The following DLC1 variants were observed in gnomAD, a reference collection of about 807,000 sequenced individuals.
DLC1 encodes the protein rho GTPase-activating protein 7.
A neutral mutation model predicts 140.3 loss-of-function variants in DLC1; 54 were observed. That is an observed-to-expected ratio of 0.38 (90% confidence interval 0.31 to 0.48). The LOEUF (loss-of-function observed/expected upper bound fraction) is 0.48. DLC1 is among the 20% of genes least tolerant of loss of function. The pLI is 0.96. For synonymous variants in DLC1, 986 were observed against 728.1 expected (o/e 1.35, Z -5.70); for missense variants, 2,536 against 1,907.0 (o/e 1.33, Z -6.14).
chr8:13,400,248 C>T (rs1047794677), intron 3 of DLC1, among the ~76,000 whole-genome samples: 1 of 152,122 alleles, frequency 6.6e-6, no homozygotes, highest in Admixed American at 6.6e-5. Flanking sequence ...GGAAGGAGAA[C>T]TGACCATCAC....
At chr8:13,345,663 T>C (rs1048037748) in intron 4 of DLC1, among the ~76,000 whole-genome samples, 3 of 143,126 alleles carry the variant, frequency 2.1e-5, no homozygotes, top group Non-Finnish European at 4.5e-5. Flanking sequence ...CTTCAAGCGG[T>C]CCTCCTGCCT....
intron 4 of DLC1, among the ~76,000 whole-genome samples, chr8:13,310,683 T>C (rs1330486779): frequency 6.6e-6 from 1 of 152,244 alleles, no homozygotes; most frequent in East Asian, 1.9e-4. Flanking sequence ...TCTGCAATAT[T>C]GTTAGCCAGT....
chr8:13,301,787 C>A (rs76222922), intron 5 of DLC1, among the ~76,000 whole-genome samples: 160 of 152,258 alleles, frequency 1.1e-3, no homozygotes, highest in African/African-American at 3.8e-3. Flanking sequence ...AGATCAGCGG[C>A]AGCATTAGAT....
rs1339544319 is a variant in DLC1 at position 13,405,907 on chromosome 8, C to CTTTCT, written c.1024-4293_1024-4289dup. 3.1e-3 allele frequency among the ~76,000 whole-genome samples: 267 copies of CTTTCT among 86,292 alleles called. 3 individuals are homozygous for CTTTCT. The highest frequency in any genetic ancestry group is 0.013 in the Middle Eastern group (2 of 158). The allele number at this position is 86,292 out of a possible 152,430, so 56.6% of individuals were successfully genotyped here. On this transcript the variant is annotated intron_variant, in intron 2 of 17. Transcript: ENST00000276297. ...TTCTTTTCTTTCTTTCTTTTTCTTT[C>CTTTCT]TTTCTTTTCTTTTCTTTCTTTCTTT... is the stretch of plus-strand genomic sequence containing the variant.
intron 2 of DLC1, among the ~76,000 whole-genome samples, chr8:13,420,463 C>T (rs1008186091): frequency 4.6e-5 from 7 of 152,080 alleles, no homozygotes; most frequent in Admixed American, 2.0e-4. Flanking sequence ...CATAGGTATA[C>T]ATGTGCCATG....
chr8:13,147,016 GA>G (rs1823483727), intron 5 of DLC1, among the ~76,000 whole-genome samples: 1 of 152,146 alleles, frequency 6.6e-6, no homozygotes, highest in Admixed American at 6.5e-5. Context: ...AAACCGTGTT[GA>G]AAATGAAATC....
chr8:13,566,871 G>A, intron 1 of DLC1: 1 of 1,296,594 alleles, frequency 7.7e-7, no homozygotes, highest in South Asian at 1.8e-5. Flanking sequence ...TCTCCCGGAA[G>A]ACGACCTCCG....
chr8:13,416,298 C>T (rs562493087), intron 2 of DLC1, among the ~76,000 whole-genome samples: 1 of 152,216 alleles, frequency 6.6e-6, no homozygotes, highest in African/African-American at 2.4e-5. Context: ...TTAAAAGTAT[C>T]ACCAATGAAA....
At chr8:13,579,916 G>A (rs976198891) in intron 1 of DLC1, among the ~76,000 whole-genome samples, 1 of 151,682 alleles carries the variant, frequency 6.6e-6, no homozygotes, top group Non-Finnish European at 1.5e-5. Context: ...GCCAGTGCCT[G>A]GTTGAGACAA....
At chr8:13,282,025 G>A (rs774670491) in intron 5 of DLC1, among the ~76,000 whole-genome samples, 32 of 152,124 alleles carry the variant, frequency 2.1e-4, no homozygotes, top group Non-Finnish European at 3.7e-4. Context: ...GTTGAGATTC[G>A]AGGGTGGGAG....
In DLC1 at chr8:13,441,489, C is replaced by T. The variant is rs963689683; in HGVS notation, c.1024-39870G>A. Among the ~76,000 whole-genome samples the T allele has an allele frequency of 1.2e-4, 19 of 152,308 alleles. No individual in the cohort carries two copies. In the East Asian group the frequency reaches 1.9e-3, roughly 15 times the overall value. ...CGTCACAGCCCAAAATCTCCTTAAG[C>T]GGATAGGCAACTTCAGCAAAGTCTC... is the stretch of plus-strand genomic sequence containing the variant. On this transcript the variant is annotated intron_variant, in intron 2 of 17. Transcript: ENST00000276297.
intron 2 of DLC1, among the ~76,000 whole-genome samples, chr8:13,424,982 C>T (rs72603959): frequency 2.0e-5 from 3 of 152,052 alleles, no homozygotes; most frequent in African/African-American, 7.2e-5. Flanking sequence ...GCATTTATTG[C>T]TAAATATTGA....
At chr8:13,390,971 C>T (rs954226457) in intron 4 of DLC1, among the ~76,000 whole-genome samples, 15 of 103,290 alleles carry the variant, frequency 1.5e-4, no homozygotes, top group Non-Finnish European at 2.8e-4. Context: ...GGCGACAGAG[C>T]GAGACTCCGT....
chr8:13,512,422 C>T (rs1003438988), intron 1 of DLC1, among the ~76,000 whole-genome samples: 3 of 152,136 alleles, frequency 2.0e-5, no homozygotes, highest in Non-Finnish European at 2.9e-5. Flanking sequence ...TTTTATACCA[C>T]GTTGTTCAGA....
intron 7 of DLC1, among the ~76,000 whole-genome samples, chr8:13,103,860 GA>G (rs1819322793): frequency 6.4e-5 from 4 of 62,034 alleles, no homozygotes; most frequent in African/African-American, 1.5e-4. Flanking sequence ...AAAAAAAAAA[GA>G]AAGAAAGAAA....
chr8:13,225,914 C>G (rs1261909201), intron 5 of DLC1, among the ~76,000 whole-genome samples: 3 of 152,076 alleles, frequency 2.0e-5, no homozygotes, highest in African/African-American at 7.2e-5. Flanking sequence ...CGCGCCTGGC[C>G]TATTTTTTTA....
At chr8:13,593,963 G>A (rs918103781) in intron 1 of DLC1, among the ~76,000 whole-genome samples, 6 of 151,976 alleles carry the variant, frequency 3.9e-5, no homozygotes, top group Non-Finnish European at 7.4e-5. Context: ...CTCTGAAGAC[G>A]AGCCTGGGCA....
chr8:13,219,225 A>G (rs1828411095), intron 5 of DLC1, among the ~76,000 whole-genome samples: 1 of 134,476 alleles, frequency 7.4e-6, no homozygotes, highest in African/African-American at 2.7e-5. Flanking sequence ...TATAATATGA[A>G]TATAATTATA....
At chr8:13,166,026 T>A (rs964219023) in intron 5 of DLC1, among the ~76,000 whole-genome samples, 4 of 152,182 alleles carry the variant, frequency 2.6e-5, no homozygotes, top group Non-Finnish European at 4.4e-5. Context: ...GAGGTTGTAT[T>A]TCCACATCTT....
Sources: allele counts gnomAD v4.1 joint callset (sites outside exome capture counted in the v4.1 genomes callset), GRCh38; gene constraint gnomAD v4.1.1; transcripts MANE v1.5; gene names NCBI Gene and HGNC (gene_info 2026-07-23, HGNC 2026-07-21).